The following NTN4 variants were observed in gnomAD, a reference collection of about 807,000 sequenced individuals.
NTN4 encodes netrin-4.
Under a neutral mutation model 73.6 loss-of-function variants are expected in NTN4, and 32 were observed. The ratio of observed to expected loss-of-function variants is 0.44; its 90% confidence interval spans 0.33 to 0.58. NTN4 has a LOEUF of 0.58. Among genes scored for constraint, NTN4 ranks in the 20% least tolerant of loss-of-function variants. The pLI, the probability that NTN4 is intolerant of heterozygous loss-of-function variation, is 0.04. For synonymous variants in NTN4, 258 were observed against 287.5 expected (o/e 0.90, Z 1.04); for missense variants, 654 against 798.3 (o/e 0.82, Z 2.18).
chr12:95,773,001 T>A (rs992015009), intron 2 of NTN4, among the ~76,000 whole-genome samples: 2 of 151,546 alleles, frequency 1.3e-5, no homozygotes, highest in East Asian at 3.9e-4. Context: ...TTTTTTCTTT[T>A]TTCTTTTTTC....
At position 95,789,599 on chromosome 12, in the gene NTN4, G is replaced by A. The variant is rs923531427; in HGVS notation, c.55+656C>T. Among the ~76,000 whole-genome samples, 1 of 152,172 alleles carries A rather than the reference G, an allele frequency of 6.6e-6. No homozygotes were observed. The highest frequency in any genetic ancestry group is 1.5e-5 in the Non-Finnish European group (1 of 68,036). ...CCGACGCCGGTTGTCCAGTTACCGA[G>A]CCAGGGAGCAGACCCGCCTCCGACC... On this transcript the variant is annotated intron_variant, in intron 1 of 9. Coordinates refer to ENST00000343702, the MANE Select transcript of NTN4 (RefSeq NM_021229.4). The surrounding 1 kb of genome is among the most constrained non-coding windows in gnomAD (Gnocchi z 4.0).
intron 7 of NTN4, among the ~76,000 whole-genome samples, chr12:95,682,202 G>C (rs778612155): frequency 6.6e-6 from 1 of 151,300 alleles, no homozygotes; most frequent in African/African-American, 2.4e-5. Flanking sequence ...GACTACAGGC[G>C]TGCACCACCA....
At chr12:95,692,577 T>C (rs1244456269) in intron 5 of NTN4, among the ~76,000 whole-genome samples, 1 of 152,204 alleles carries the variant, frequency 6.6e-6, no homozygotes, top group East Asian at 1.9e-4. Context: ...AAGGAGGCAA[T>C]GCTGCTGTGT....
In NTN4 at chr12:95,787,264, A is replaced by C; in HGVS notation, c.260T>G (p.Leu87Arg). 1.9e-6 allele frequency: 3 copies of C among 1,614,228 alleles called. No homozygotes were observed. Among genetic ancestry groups the C allele is most frequent in the Non-Finnish European group, 2.5e-6 (3 of 1,180,034 alleles). ...TGCCATGGCAGATGGCAGGTGAGCC[A>C]GGTGAGGATAGGCAGCATTGCACTT... ...CDKCNAAYPH[L>R]AHLPSAMADS... Residue 87 changes from leucine to arginine, a missense_variant, in exon 2 of 10, where the codon CTG becomes CGG. By Grantham distance (102) the Leu-to-Arg change is moderately radical (BLOSUM62 -2). Coordinates refer to ENST00000343702, the MANE Select transcript of NTN4 (RefSeq NM_021229.4).
chr12:95,742,236 C>T (rs1445715477), intron 2 of NTN4, among the ~76,000 whole-genome samples: 1 of 152,032 alleles, frequency 6.6e-6, no homozygotes, highest in East Asian at 1.9e-4. Flanking sequence ...TGGCTCATGC[C>T]TGTCATCCCA....
chr12:95,786,820 T>A (rs2079170439), intron 2 of NTN4, 119 bp downstream of exon 2: 2 of 779,754 alleles, frequency 2.6e-6, no homozygotes, highest in Admixed American at 5.4e-5. Flanking sequence ...ATAAATCTCA[T>A]GAAAAATTCT....
intron 5 of NTN4, among the ~76,000 whole-genome samples, chr12:95,690,577 A>G (rs1280580345): frequency 6.6e-6 from 1 of 152,138 alleles, no homozygotes; most frequent in Admixed American, 6.6e-5. Context: ...TCAAAGCACT[A>G]TTGATTTATG....
In NTN4 at chr12:95,704,844, C is replaced by T. The variant is rs536736782; in HGVS notation, c.1180+5597G>A. ...GATAGGCTTTCCTAGGGAAGCCTAC[C>T]CAGGGATCGGGGAGCTGTCTGGAGA... is the stretch of plus-strand genomic sequence containing the variant. On this transcript the variant is annotated intron_variant, in intron 5 of 9. Coordinates refer to ENST00000343702, the MANE Select transcript of NTN4 (RefSeq NM_021229.4). Among the ~76,000 whole-genome samples the T allele has an allele frequency of 2.6e-5, 4 of 152,216 alleles. No homozygotes were observed. The South Asian group carries it at 8.3e-4, about 32-fold the overall frequency.
intron 5 of NTN4, among the ~76,000 whole-genome samples, chr12:95,706,755 A>C (rs376657210): frequency 6.6e-6 from 1 of 152,174 alleles, no homozygotes; most frequent in Non-Finnish European, 1.5e-5. Context: ...CACATAGAAG[A>C]GGCTCAAATG....
At chr12:95,741,515 T>G (rs1476820131) in intron 2 of NTN4, among the ~76,000 whole-genome samples, 1 of 136,342 alleles carries the variant, frequency 7.3e-6, no homozygotes, top group Non-Finnish European at 1.6e-5. Context: ...ATCCTCTTGA[T>G]GAAGTGACTG....
chr12:95,747,244 G>A (rs1215490601), intron 2 of NTN4, among the ~76,000 whole-genome samples: 1 of 152,140 alleles, frequency 6.6e-6, no homozygotes, highest in African/African-American at 2.4e-5. Flanking sequence ...TTAGTAATTT[G>A]TGTCTGAATA....
At chr12:95,782,299 T>A (rs1170300796) in intron 2 of NTN4, among the ~76,000 whole-genome samples, 1 of 152,050 alleles carries the variant, frequency 6.6e-6, no homozygotes, top group Non-Finnish European at 1.5e-5. Flanking sequence ...TTTACTTTTT[T>A]TTTTTCTTTT....
chr12:95,771,688 G>A (rs1305012536), intron 2 of NTN4, among the ~76,000 whole-genome samples: 1 of 152,118 alleles, frequency 6.6e-6, no homozygotes, highest in African/African-American at 2.4e-5. Flanking sequence ...TGAAAAGTTA[G>A]ATAATTTCAA....
At chr12:95,678,000 G>A (rs1024027934) in intron 7 of NTN4, among the ~76,000 whole-genome samples, 8 of 152,242 alleles carry the variant, frequency 5.3e-5, no homozygotes, top group East Asian at 1.9e-4. Context: ...GGAATACTAC[G>A]CAGCCATAAA....
intron 2 of NTN4, among the ~76,000 whole-genome samples, chr12:95,749,138 TCCCAAATCCTATAAAACGGC>T (rs1157880003): frequency 6.6e-6 from 1 of 152,118 alleles, no homozygotes; most frequent in African/African-American, 2.4e-5. Context: ...TCCATTACCT[TCCCAAATCCTATAAAACGGC>T]CCCACCCCTA....
chr12:95,686,860 AT>A (rs2078364992), intron 5 of NTN4, among the ~76,000 whole-genome samples: 1 of 152,180 alleles, frequency 6.6e-6, no homozygotes, highest in South Asian at 2.1e-4. Flanking sequence ...TTTAAAATAA[AT>A]TTTTCATAAA....
chr12:95,735,637 T>C (rs968277511), intron 3 of NTN4, among the ~76,000 whole-genome samples: 1 of 152,228 alleles, frequency 6.6e-6, no homozygotes, highest in Non-Finnish European at 1.5e-5. Flanking sequence ...TCTCCTTTAC[T>C]TGGTTATCCT....
intron 7 of NTN4, chr12:95,672,779 C>A: frequency 7.6e-7 from 1 of 1,309,802 alleles, no homozygotes; most frequent in Non-Finnish European, 1.1e-6. Flanking sequence ...CTGAAGGACA[C>A]TATTGCCAGC....
intron 2 of NTN4, among the ~76,000 whole-genome samples, chr12:95,753,755 C>T (rs915021176): frequency 1.3e-5 from 2 of 151,994 alleles, no homozygotes; most frequent in African/African-American, 4.8e-5. Flanking sequence ...ACCACTTTCG[C>T]TTCTCAGAAT....
Sources: gnomAD v4.1 joint callset for allele counts (sites outside exome capture counted in the v4.1 genomes callset) on GRCh38, gnomAD v4.1.1 for gene constraint, Gnocchi (gnomAD v3.1) non-coding constraint, MANE v1.5 for transcripts, NCBI Gene and HGNC (gene_info 2026-07-23, HGNC 2026-07-21) for gene names.